Variants in RSU1 observed in about 807,000 individuals in gnomAD.
RSU1 encodes Ras suppressor protein 1.
A neutral mutation model predicts 31.1 loss-of-function variants in RSU1; 26 were observed. The ratio of observed to expected loss-of-function variants is 0.84; its 90% CI spans 0.61 to 1.16. RSU1 has a LOEUF of 1.16. RSU1 is among the 50% of genes most tolerant of loss of function. The pLI, the probability that RSU1 is intolerant of heterozygous loss-of-function variation, is 0.00. For synonymous variants in RSU1, 164 were observed against 136.3 expected, an observed-to-expected ratio of 1.20 and a Z score of -1.41; for missense variants, 320 against 339.1, an observed-to-expected ratio of 0.94 and a Z score of 0.44.
At chr10:16,759,657 A>AC (rs1588517312) in intron 4 of RSU1, among the ~76,000 whole-genome samples, 1 of 152,220 alleles carries the variant, frequency 6.6e-6, no homozygotes, top group Admixed American at 6.5e-5. Context: ...CAGTGAAGTT[A>AC]CCCTAGAAAT....
chr10:16,811,569 C>G (rs1465923475), intron 2 of RSU1, among the ~76,000 whole-genome samples: 1 of 152,166 alleles, frequency 6.6e-6, no homozygotes, highest in African/African-American at 2.4e-5. Context: ...GCCACTAGAG[C>G]CAGAATGTCA....
chr10:16,683,232 G>A (rs1315525670), intron 8 of RSU1, among the ~76,000 whole-genome samples: 1 of 148,778 alleles, frequency 6.7e-6, no homozygotes, highest in Non-Finnish European at 1.5e-5. Flanking sequence ...TAAACACACT[G>A]GCTCATAAAC....
chr10:16,805,515 C>CA (rs568304982), intron 2 of RSU1, among the ~76,000 whole-genome samples: 237 of 144,950 alleles, frequency 1.6e-3, no homozygotes, highest in African/African-American at 3.4e-3. Flanking sequence ...ACTAAAAATA[C>CA]AAAAAAAAAA....
intron 7 of RSU1, among the ~76,000 whole-genome samples, chr10:16,744,018 T>C (rs1398308933): frequency 2.0e-5 from 3 of 151,592 alleles, no homozygotes; most frequent in Non-Finnish European, 2.9e-5. Flanking sequence ...TGGTCCCAGC[T>C]ACTTGGAAGG....
intron 2 of RSU1, among the ~76,000 whole-genome samples, chr10:16,813,682 A>G (rs1838460487): frequency 6.6e-6 from 1 of 152,194 alleles, no homozygotes; most frequent in African/African-American, 2.4e-5. Flanking sequence ...ATTTGAATCC[A>G]CGTCTATCCA....
chr10:16,764,104 G>A (rs570109345), intron 4 of RSU1, among the ~76,000 whole-genome samples: 27 of 151,952 alleles, frequency 1.8e-4, no homozygotes, highest in African/African-American at 5.1e-4. Flanking sequence ...GTCCCTTCTC[G>A]GTCAGCAGAA....
At chr10:16,611,357 T>A (rs912400184) in intron 8 of RSU1, among the ~76,000 whole-genome samples, 12 of 152,226 alleles carry the variant, frequency 7.9e-5, no homozygotes, top group African/African-American at 2.7e-4. Context: ...ATAAACTGCT[T>A]AGAAATCCCC....
chr10:16,604,389 AG>A (rs1223782609), intron 8 of RSU1, among the ~76,000 whole-genome samples: 2 of 152,154 alleles, frequency 1.3e-5, no homozygotes, highest in African/African-American at 4.8e-5. Context: ...AAATGCAGGC[AG>A]TAGGGACCAG....
intron 7 of RSU1, among the ~76,000 whole-genome samples, chr10:16,729,002 A>G (rs1836451092): frequency 6.6e-6 from 1 of 152,238 alleles, no homozygotes; most frequent in Non-Finnish European, 1.5e-5. Context: ...TGCTGTTTTC[A>G]GCCACTGTTT....
chr10:16,706,484 T>C (rs1387413414), intron 7 of RSU1, among the ~76,000 whole-genome samples: 4 of 152,244 alleles, frequency 2.6e-5, no homozygotes, highest in African/African-American at 9.6e-5. Context: ...TTTAGTTCTC[T>C]ATATACTCTA....
intron 8 of RSU1, among the ~76,000 whole-genome samples, chr10:16,639,112 T>C (rs1437856427): frequency 6.6e-6 from 1 of 152,236 alleles, no homozygotes; most frequent in African/African-American, 2.4e-5. Flanking sequence ...TTCTTGGATA[T>C]CATGTAAATG....
At chr10:16,737,977 A>T (rs1424370770) in intron 7 of RSU1, among the ~76,000 whole-genome samples, 1 of 152,276 alleles carries the variant, frequency 6.6e-6, no homozygotes, top group East Asian at 1.9e-4. Context: ...GAAATCAGTA[A>T]CAAAATGTTT....
intron 7 of RSU1, among the ~76,000 whole-genome samples, chr10:16,734,857 TGAG>T (rs1836592229): frequency 6.6e-6 from 1 of 152,128 alleles, no homozygotes; most frequent in Non-Finnish European, 1.5e-5. Context: ...TTAGTTAAAA[TGAG>T]GTCATATGAG....
chr10:16,726,446 T>G (rs1490747769), intron 7 of RSU1, among the ~76,000 whole-genome samples: 2 of 151,974 alleles, frequency 1.3e-5, no homozygotes, highest in Non-Finnish European at 2.9e-5. Context: ...TTTGTGTTTT[T>G]AGTAGAGACG....
intron 7 of RSU1, among the ~76,000 whole-genome samples, chr10:16,705,115 AAC>A (rs1835869876): frequency 6.6e-6 from 1 of 152,216 alleles, no homozygotes. Context: ...TACATGGAAT[AAC>A]ACAGCATTTT....
chr10:16,694,828 C>T (rs74436706), intron 8 of RSU1, among the ~76,000 whole-genome samples, 195 bp downstream of exon 8: 1,886 of 152,244 alleles, frequency 0.012, 47 homozygotes, highest in African/African-American at 0.043. Flanking sequence ...CCTCTAGTCT[C>T]GACTTCCCCA....
At chr10:16,748,718 C>T (rs1200703804) in intron 7 of RSU1, among the ~76,000 whole-genome samples, 4 of 152,204 alleles carry the variant, frequency 2.6e-5, no homozygotes, top group Admixed American at 6.5e-5. Flanking sequence ...TTCCTCAACA[C>T]AAGCCCACCC....
chr10:16,743,767 T>A (rs1346732620), intron 7 of RSU1, among the ~76,000 whole-genome samples: 3 of 152,194 alleles, frequency 2.0e-5, no homozygotes, highest in Non-Finnish European at 4.4e-5. Flanking sequence ...TTAACTTTTT[T>A]ATTATGTATT....
At chr10:16,674,169 G>A (rs1835175756) in intron 8 of RSU1, among the ~76,000 whole-genome samples, 1 of 152,092 alleles carries the variant, frequency 6.6e-6, no homozygotes, top group African/African-American at 2.4e-5. Context: ...CCTCCCCCTG[G>A]CCCCCGATAT....
Sources: gnomAD v4.1 joint callset for allele counts (sites outside exome capture counted in the v4.1 genomes callset) on GRCh38, gnomAD v4.1.1 for gene constraint, MANE v1.5 for transcripts, NCBI Gene and HGNC (gene_info 2026-07-23, HGNC 2026-07-21) for gene names.